The following MGLL variants were observed in gnomAD, a reference collection of about 807,000 sequenced individuals.
The protein encoded by MGLL is lysophospholipase homolog.
MGLL carries 7 observed loss-of-function variants against 29.1 expected under a neutral mutation model. The observed-to-expected ratio is 0.24, with a 90% CI of 0.14 to 0.45. MGLL has a LOEUF of 0.45. MGLL is among the 20% of genes least tolerant of loss of function. The probability of loss-of-function intolerance (pLI) is 0.99; values close to 1 mark genes in which losing one functional copy is unlikely to be tolerated. For missense variants in MGLL, 356 were observed against 413.6 expected, an observed-to-expected ratio of 0.86 and a Z score of 1.21; for synonymous variants, 148 against 168.3, an observed-to-expected ratio of 0.88 and a Z score of 0.93.
At chr3:127,821,909 C>G (rs551008978) in intron 1 of MGLL, 71 bp from the exon 2 acceptor site, 1 of 1,512,084 alleles carries the variant, frequency 6.6e-7, no homozygotes, top group South Asian at 1.2e-5. Flanking sequence ...AGAGAAAAGT[C>G]TAGTTCAGAG....
In MGLL at chr3:127,822,304, C is replaced by G. The variant is rs2077876346; in HGVS notation, c.10+5G>C. 2 of 1,613,222 alleles carry G rather than the reference C, an allele frequency of 1.2e-6. No homozygotes were observed. Among genetic ancestry groups the G allele is most frequent in the African/African-American group, 1.3e-5 (1 of 75,044 alleles). ...CATCTGAAATTCCAAGGATACATGA[C>G]AAACCTGTTTCCATTATGTGCTGGC... On this transcript the variant is annotated splice_donor_5th_base_variant and intron_variant, in intron 1 of 7. Coordinates refer to ENST00000265052, the MANE Select transcript of MGLL (RefSeq NM_007283.7).
rs1271003285 is a variant in MGLL, at chr3:127,691,111, G to GCCCAGGCCTAGGGATCATAGC, written c.*1066_*1086dup. ...AGCTCTGGGCCATAGGCAGGCCCAGGCCCAGGCCTAGGGATCATAGCCCCA... is the reference window on the plus strand; with the variant it reads ...AGCTCTGGGCCATAGGCAGGCCCAGGCCCAGGCCTAGGGATCATAGCCCCAGGCCTAGGGATCATAGCCCCA... On this transcript the variant is annotated 3_prime_UTR_variant, in exon 8 of 8. Coordinates refer to ENST00000265052, the MANE Select transcript of MGLL (RefSeq NM_007283.7). 6.5e-6 allele frequency: 1 copy of GCCCAGGCCTAGGGATCATAGC among 152,708 alleles called. No homozygotes were observed. The highest frequency in any genetic ancestry group is 2.4e-5 in the African/African-American group (1 of 41,462). 9.5% of individuals were successfully genotyped at this position (152,708 alleles called of 1,614,324 possible). A position where few individuals can be genotyped will look rare whatever the true frequency, so the allele number is the denominator to read the frequency against.
At chr3:127,773,858 A>G (rs1249569911) in intron 3 of MGLL, among the ~76,000 whole-genome samples, 1 of 152,032 alleles carries the variant, frequency 6.6e-6, no homozygotes, top group Admixed American at 6.5e-5. Context: ...CTTTATTCCT[A>G]GGGTCGCCAC....
chr3:127,735,835 G>T (rs1036045078), intron 3 of MGLL: 3 of 1,598,010 alleles, frequency 1.9e-6, no homozygotes. Context: ...TCCAGGGGAA[G>T]ATCCTTCTGA....
chr3:127,694,347 G>GTGTA (rs372134218), intron 7 of MGLL, among the ~76,000 whole-genome samples: 3 of 73,030 alleles, frequency 4.1e-5, no homozygotes, highest in Non-Finnish European at 7.4e-5. Context: ...ATATGTATGT[G>GTGTA]TATATATATG....
intron 5 of MGLL, chr3:127,711,673 G>A (rs2075716231): frequency 6.6e-6 from 1 of 152,012 alleles, no homozygotes; most frequent in Non-Finnish European, 1.5e-5. Context: ...GAGGGCAAGG[G>A]CACTCACAGG....
intron 3 of MGLL, among the ~76,000 whole-genome samples, chr3:127,741,935 AG>A (rs1051154524): frequency 2.1e-5 from 3 of 142,102 alleles, no homozygotes; most frequent in Admixed American, 6.8e-5. Context: ...ATATCCCATC[AG>A]GGGATACATC....
At position 127,784,719 on chromosome 3, in the gene MGLL, A is replaced by C. The variant is rs140853458; in HGVS notation, c.156-2824T>G. Among the ~76,000 whole-genome samples the C allele has an allele frequency of 4.4e-3, 669 of 152,202 alleles. 1 individual carries two copies. The highest frequency in any genetic ancestry group is 7.0e-3 in the Admixed American group (107 of 15,286). ...TCTGATCTTCAGCTTCTATTGTGGTAAGTGGGTTTCTCCTTAGTGTCTGGA... is the reference window on the plus strand; with the variant it reads ...TCTGATCTTCAGCTTCTATTGTGGTCAGTGGGTTTCTCCTTAGTGTCTGGA... On this transcript the variant is annotated intron_variant, in intron 2 of 7. Transcript: ENST00000265052.
intron 3 of MGLL, among the ~76,000 whole-genome samples, chr3:127,774,260 A>C (rs1000908540): frequency 6.6e-6 from 1 of 152,212 alleles, no homozygotes; most frequent in Non-Finnish European, 1.5e-5. Context: ...TCTGCCACCC[A>C]GACCTTTGCA....
At chr3:127,754,104 C>A (rs910698446) in intron 3 of MGLL, among the ~76,000 whole-genome samples, 4 of 152,220 alleles carry the variant, frequency 2.6e-5, no homozygotes, top group Non-Finnish European at 5.9e-5. Context: ...ATGCTGCACT[C>A]TACGGAGGAG....
chr3:127,738,172 A>G (rs1180671770), intron 3 of MGLL, among the ~76,000 whole-genome samples: 1 of 151,882 alleles, frequency 6.6e-6, no homozygotes, highest in Non-Finnish European at 1.5e-5. Flanking sequence ...GTGGTGGCAC[A>G]TGCCTGTAGT....
At chr3:127,705,789 A>G (rs552999340) in intron 6 of MGLL, among the ~76,000 whole-genome samples, 33 of 151,308 alleles carry the variant, frequency 2.2e-4, no homozygotes, top group East Asian at 1.2e-3. Context: ...AAAAAAAAAA[A>G]AAGAAGAAGA....
chr3:127,734,416 C>T (rs902149931), intron 3 of MGLL, among the ~76,000 whole-genome samples: 7 of 152,196 alleles, frequency 4.6e-5, no homozygotes, highest in Non-Finnish European at 7.3e-5. Context: ...CAGGGGTCTG[C>T]AGTGCGCCCG....
At chr3:127,816,842 G>A (rs1420016095) in intron 2 of MGLL, among the ~76,000 whole-genome samples, 1 of 152,236 alleles carries the variant, frequency 6.6e-6, no homozygotes. Flanking sequence ...TGTCTTATTG[G>A]TTCTAGATCC....
At chr3:127,696,049 A>G (rs2075354749) in intron 6 of MGLL, among the ~76,000 whole-genome samples, 3 of 152,116 alleles carry the variant, frequency 2.0e-5, no homozygotes, top group Admixed American at 1.3e-4. Context: ...GGGACGCCCA[A>G]GGGTGGGTCT....
intron 3 of MGLL, among the ~76,000 whole-genome samples, chr3:127,777,348 G>T (rs1484957687): frequency 6.6e-6 from 1 of 152,314 alleles, no homozygotes; most frequent in East Asian, 1.9e-4. Flanking sequence ...GAGATGGATA[G>T]CCATCAGCAA....
At chr3:127,792,036 C>T (rs141139737) in intron 2 of MGLL, among the ~76,000 whole-genome samples, 2,939 of 152,288 alleles carry the variant, frequency 0.019, 91 homozygotes, top group African/African-American at 0.067. Context: ...CCACTGCACT[C>T]CAGCCTGGGC....
chr3:127,743,969 C>T (rs549943233), intron 3 of MGLL, among the ~76,000 whole-genome samples: 1 of 152,280 alleles, frequency 6.6e-6, no homozygotes, highest in Admixed American at 6.5e-5. Flanking sequence ...GGATGTCTCC[C>T]TTTGTGGCTC....
chr3:127,706,557 G>A (rs1471285219), intron 6 of MGLL, among the ~76,000 whole-genome samples: 6 of 152,212 alleles, frequency 3.9e-5, no homozygotes, highest in African/African-American at 9.6e-5. Context: ...CAAAAGCAAC[G>A]TAGAGCAATT....
Sources: allele counts gnomAD v4.1 joint callset (sites outside exome capture counted in the v4.1 genomes callset), GRCh38; gene constraint gnomAD v4.1.1; transcripts MANE v1.5; gene names NCBI Gene and HGNC (gene_info 2026-07-23, HGNC 2026-07-21).